The following STPG2 variants were observed in gnomAD, a reference collection of about 807,000 sequenced individuals.
STPG2 encodes the protein sperm tail PG-rich repeat containing 2, also known as sperm-tail PG-rich repeat-containing protein 2.
In STPG2, 56 loss-of-function variants were observed where a neutral mutation model predicts 54.2. The observed-to-expected ratio is 1.03, with a 90% CI of 0.83 to 1.29. STPG2 has a LOEUF of 1.29. STPG2 is among the 50% of genes most tolerant of loss of function. The probability of loss-of-function intolerance (pLI) is 0.00; values close to 1 mark genes in which losing one functional copy is unlikely to be tolerated. For synonymous variants in STPG2, 200 were observed against 181.8 expected, an observed-to-expected ratio of 1.10 and a Z score of -0.81; for missense variants, 596 against 544.9, an observed-to-expected ratio of 1.09 and a Z score of -0.93.
At chr4:98,046,183 T>G (rs1347095201) in intron 5 of STPG2, among the ~76,000 whole-genome samples, 2 of 152,086 alleles carry the variant, frequency 1.3e-5, no homozygotes, top group African/African-American at 4.8e-5. Flanking sequence ...GTTGCTGGAT[T>G]CTTCAGCTCT....
intron 10 of STPG2, among the ~76,000 whole-genome samples, chr4:97,601,398 A>G (rs193048704): frequency 9.7e-4 from 148 of 152,162 alleles, no homozygotes; most frequent in African/African-American, 2.7e-3. Context: ...TATTCTTATC[A>G]AAGTTTTTAA....
At chr4:97,485,094 A>G (rs1337905886) in intron 4 of STPG2, among the ~76,000 whole-genome samples, 1 of 151,884 alleles carries the variant, frequency 6.6e-6, no homozygotes, top group Non-Finnish European at 1.5e-5. Flanking sequence ...AGCCACAGCC[A>G]ACATAATATT....
intron 8 of STPG2, among the ~76,000 whole-genome samples, chr4:97,862,607 C>G (rs189575116): frequency 3.7e-4 from 57 of 152,272 alleles, no homozygotes; most frequent in African/African-American, 1.3e-3. Context: ...TAATAGACAT[C>G]TGCAGAACGG....
chr4:97,552,200 G>A (rs1282790262), intron 4 of STPG2, among the ~76,000 whole-genome samples: 1 of 151,958 alleles, frequency 6.6e-6, no homozygotes, highest in Non-Finnish European at 1.5e-5. Context: ...GGGAGAACAT[G>A]GGCAAACTAT....
chr4:97,789,376 G>T (rs770617337), intron 9 of STPG2, among the ~76,000 whole-genome samples: 1 of 151,888 alleles, frequency 6.6e-6, no homozygotes, highest in Admixed American at 6.6e-5. Context: ...CAATATGCAG[G>T]TGTTTCATCA....
At chr4:97,913,197 G>A (rs1398135714) in intron 8 of STPG2, among the ~76,000 whole-genome samples, 1 of 152,180 alleles carries the variant, frequency 6.6e-6, no homozygotes, top group Non-Finnish European at 1.5e-5. Context: ...GTCCTGGGAA[G>A]TTAACAAATG....
At chr4:98,000,465 A>G (rs1735379367) in intron 5 of STPG2, among the ~76,000 whole-genome samples, 1 of 130,232 alleles carries the variant, frequency 7.7e-6, no homozygotes, top group South Asian at 2.5e-4. Context: ...TCTTTAAGTG[A>G]TCTAACCTCA....
intron 5 of STPG2, among the ~76,000 whole-genome samples, chr4:98,020,978 T>G (rs967401711): frequency 6.6e-6 from 1 of 152,212 alleles, no homozygotes; most frequent in Non-Finnish European, 1.5e-5. Context: ...AGCTCCTGGA[T>G]TCATTAATTC....
At chr4:98,038,568 T>C (rs1048304119) in intron 5 of STPG2, among the ~76,000 whole-genome samples, 1 of 151,904 alleles carries the variant, frequency 6.6e-6, no homozygotes, top group Non-Finnish European at 1.5e-5. Context: ...AAAAAAAGTG[T>C]TCCACATAAA....
At chr4:97,991,375 ATGTATATATATGTGTATATATATG>A (rs1276031628) in intron 5 of STPG2, among the ~76,000 whole-genome samples, 8 of 150,556 alleles carry the variant, frequency 5.3e-5, no homozygotes, top group Middle Eastern at 7.0e-3. Flanking sequence ...GTATATATAT[ATGTATATATATGTGTATATATATG>A]TGTATATATA....
At chr4:97,721,796 T>C (rs1472864307) in intron 9 of STPG2, among the ~76,000 whole-genome samples, 1 of 152,164 alleles carries the variant, frequency 6.6e-6, no homozygotes, top group East Asian at 1.9e-4. Context: ...ATGGTACACA[T>C]CAGAAACTGT....
At chr4:98,057,525 G>A (rs757714153) in intron 5 of STPG2, among the ~76,000 whole-genome samples, 2 of 152,000 alleles carry the variant, frequency 1.3e-5, no homozygotes, top group African/African-American at 4.8e-5. Context: ...AGAATGAAAA[G>A]GAATGAACAA....
chr4:97,473,106 A>T (rs1729979966), intron 4 of STPG2, among the ~76,000 whole-genome samples: 1 of 151,904 alleles, frequency 6.6e-6, no homozygotes, highest in African/African-American at 2.4e-5. Flanking sequence ...TCACCTCAGG[A>T]CCCTGTGATA....
chr4:97,585,843 C>T (rs1031331044), intron 10 of STPG2, among the ~76,000 whole-genome samples: 4 of 151,638 alleles, frequency 2.6e-5, no homozygotes, highest in East Asian at 3.9e-4. Context: ...AGGTACTGTG[C>T]GCTGAACCTA....
intron 5 of STPG2, among the ~76,000 whole-genome samples, chr4:98,036,535 T>C (rs562102530): frequency 1.3e-5 from 2 of 152,050 alleles, no homozygotes; most frequent in Non-Finnish European, 2.9e-5. Flanking sequence ...AGGTCATTAT[T>C]CTCAGCAAAC....
chr4:97,634,048 C>A (rs1721405706), intron 10 of STPG2, among the ~76,000 whole-genome samples: 1 of 152,174 alleles, frequency 6.6e-6, no homozygotes, highest in South Asian at 2.1e-4. Context: ...AGGGCACAGA[C>A]AAACAAAAAG....
At chr4:97,846,860 T>C (rs957280470) in intron 8 of STPG2, among the ~76,000 whole-genome samples, 4 of 152,196 alleles carry the variant, frequency 2.6e-5, no homozygotes, top group African/African-American at 4.8e-5. Context: ...TTTCAAGTTA[T>C]GAAATAAATG....
chr4:98,134,156 T>C (rs978143991), intron 2 of STPG2, among the ~76,000 whole-genome samples, 191 bp downstream of exon 2: 22 of 151,948 alleles, frequency 1.4e-4, no homozygotes, highest in Non-Finnish European at 2.1e-4. Flanking sequence ...TGTAGAATAA[T>C]GAAAAACATC....
chr4:97,986,506 T>C (rs1734836820), intron 5 of STPG2, among the ~76,000 whole-genome samples: 1 of 152,194 alleles, frequency 6.6e-6, no homozygotes, highest in African/African-American at 2.4e-5. Flanking sequence ...CAGAATGCCT[T>C]CAGAACCTTT....
Sources: gnomAD v4.1 joint callset for allele counts (sites outside exome capture counted in the v4.1 genomes callset) on GRCh38, gnomAD v4.1.1 for gene constraint, MANE v1.5 for transcripts, NCBI Gene and HGNC (gene_info 2026-07-23, HGNC 2026-07-21) for gene names.